The following TNFRSF21 variants were observed in gnomAD, a reference collection of about 807,000 sequenced individuals.
TNFRSF21 encodes TNF receptor superfamily member 21.
TNFRSF21 carries 19 observed loss-of-function variants against 45.6 expected under a neutral mutation model. That is an observed-to-expected ratio of 0.42 (90% CI 0.29 to 0.61). TNFRSF21 has a LOEUF of 0.61. Ranked by LOEUF, TNFRSF21 falls within the 20% of genes least tolerant of loss-of-function variation. TNFRSF21 has a pLI of 0.23. For synonymous variants in TNFRSF21, 314 were observed against 335.5 expected (o/e 0.94, Z 0.70); for missense variants, 737 against 851.5 (o/e 0.87, Z 1.67).
At position 47,232,362 on chromosome 6, in the gene TNFRSF21, G is replaced by C. The variant is rs999809395; in HGVS notation, c.*403C>G. ...TGCCATTATACTTTTAAGAAGTTAA[G>C]AGCCTCACAATCCAGTGTGTGGGAA... On this transcript the variant is annotated 3_prime_UTR_variant, in exon 6 of 6. Transcript: ENST00000296861. 2 of 164,698 alleles carry C rather than the reference G, an allele frequency of 1.2e-5. No homozygotes were observed. Among genetic ancestry groups the C allele is most frequent in the African/African-American group, 2.4e-5 (1 of 41,320 alleles). The allele number at this position is 164,698 out of a possible 1,614,324, so 10.2% of individuals were successfully genotyped here.
intron 4 of TNFRSF21, among the ~76,000 whole-genome samples, chr6:47,248,423 G>A (rs536185611): frequency 4.6e-5 from 7 of 152,178 alleles, no homozygotes; most frequent in African/African-American, 1.2e-4. Flanking sequence ...TAGCCAAGGC[G>A]CAGGGAAAGA....
chr6:47,285,955 T>C lies in TNFRSF21; in HGVS notation c.737A>G (p.Tyr246Cys), dbSNP rs1227671807. Residue 246 changes from tyrosine to cysteine, a missense_variant, in exon 2 of 6, where the codon TAT becomes TGT. By Grantham distance (194) the Tyr-to-Cys change is radical. Transcript: ENST00000296861. ...TGAGGTTAAGTTACCTTTGGGAACA[T>C]AAGTGGAGGAAGGGACTTCATGGGT... Reference protein sequence around the residue: ...METHEVPSSTYVPKGMNSTES... With the variant: ...METHEVPSSTCVPKGMNSTES... 3.1e-6 allele frequency: 5 copies of C among 1,613,914 alleles called. No individual in the cohort carries two copies. Among genetic ancestry groups the C allele is most frequent in the Non-Finnish European group, 4.2e-6 (5 of 1,179,868 alleles).
At chr6:47,268,602 A>T (rs1394428242) in intron 3 of TNFRSF21, among the ~76,000 whole-genome samples, 2 of 145,884 alleles carry the variant, frequency 1.4e-5, no homozygotes, top group African/African-American at 2.5e-5. Context: ...TGGAGCCAAG[A>T]TCTCCTAATT....
intron 4 of TNFRSF21, among the ~76,000 whole-genome samples, chr6:47,245,047 TATTG>T (rs1764803197): frequency 6.6e-6 from 1 of 152,212 alleles, no homozygotes; most frequent in Non-Finnish European, 1.5e-5. Context: ...CTTTTCACAG[TATTG>T]ATTCTGATTT....
At chr6:47,276,778 T>C (rs1299525039) in intron 3 of TNFRSF21, among the ~76,000 whole-genome samples, 4 of 152,236 alleles carry the variant, frequency 2.6e-5, no homozygotes, top group African/African-American at 9.6e-5. Context: ...AATATTGTTT[T>C]GGACAGCATA....
At chr6:47,264,021 A>AT (rs1171880104) in intron 3 of TNFRSF21, among the ~76,000 whole-genome samples, 2 of 152,248 alleles carry the variant, frequency 1.3e-5, no homozygotes, top group Non-Finnish European at 2.9e-5. Flanking sequence ...CATGAAGAAC[A>AT]TCAGCAGAAT....
chr6:47,289,943 G>A (rs996154595), intron 1 of TNFRSF21, among the ~76,000 whole-genome samples: 2 of 152,060 alleles, frequency 1.3e-5, no homozygotes, highest in Non-Finnish European at 2.9e-5. Context: ...GCAGTGAGCC[G>A]AGATTGCGCC....
intron 4 of TNFRSF21, among the ~76,000 whole-genome samples, chr6:47,235,517 G>A (rs546484839): frequency 6.6e-6 from 1 of 152,324 alleles, no homozygotes; most frequent in East Asian, 1.9e-4. Context: ...TTGGCCTTCT[G>A]AGGCTCCAGA....
At chr6:47,298,658 C>T (rs1274007585) in intron 1 of TNFRSF21, among the ~76,000 whole-genome samples, 1 of 152,170 alleles carries the variant, frequency 6.6e-6, no homozygotes, top group African/African-American at 2.4e-5. Context: ...CACAGCCACA[C>T]CCAACCTCTT....
chr6:47,267,937 A>G (rs1762359642), intron 3 of TNFRSF21, among the ~76,000 whole-genome samples: 1 of 151,802 alleles, frequency 6.6e-6, no homozygotes, highest in Admixed American at 6.6e-5. Context: ...ATCAACCCCC[A>G]CTCCTCATCA....
In TNFRSF21 at chr6:47,232,735, G is replaced by A; in HGVS notation, c.*30C>T. 6.3e-7 allele frequency: 1 copy of A among 1,597,504 alleles called. No individual in the cohort carries two copies. The highest frequency in any genetic ancestry group is 8.6e-7 in the Non-Finnish European group (1 of 1,168,886). Reference sequence around the variant, plus strand: ...AAAAACCACCCTGCCACTAAATTGAGTAATTTCCAGAATGCAGTATCCCTA... The same window carrying A: ...AAAAACCACCCTGCCACTAAATTGAATAATTTCCAGAATGCAGTATCCCTA... On this transcript the variant is annotated 3_prime_UTR_variant, in exon 6 of 6. Transcript: ENST00000296861.
intron 3 of TNFRSF21, among the ~76,000 whole-genome samples, chr6:47,268,151 C>T (rs1208902432): frequency 6.6e-6 from 1 of 152,214 alleles, no homozygotes; most frequent in African/African-American, 2.4e-5. Flanking sequence ...GTCCAGGCTC[C>T]CCACTGACTC....
intron 4 of TNFRSF21, among the ~76,000 whole-genome samples, chr6:47,251,846 T>C (rs1764905568): frequency 6.6e-6 from 1 of 152,206 alleles, no homozygotes; most frequent in Non-Finnish European, 1.5e-5. Flanking sequence ...TTGTGAATAA[T>C]ATTTCACACC....
At position 47,253,573 on chromosome 6, in the gene TNFRSF21, T is replaced by C. The variant is rs756290272; in HGVS notation, c.1244-52A>G. 4 of 1,583,508 alleles carry C rather than the reference T, an allele frequency of 2.5e-6. No individual in the cohort carries two copies. The South Asian group carries it at 3.4e-5, about 14-fold the overall frequency. ...AATGAGGGCTTGTAAGGGAAGCTTC[T>C]TACATAAGGCAGCTCTGCTTTAATG... On this transcript the variant is annotated intron_variant, in intron 3 of 5. Coordinates refer to ENST00000296861, the MANE Select transcript of TNFRSF21 (RefSeq NM_014452.5).
In TNFRSF21 at chr6:47,304,949, A is replaced by T. The variant is rs373420233; in HGVS notation, c.96+4467T>A. On this transcript the variant is annotated intron_variant, in intron 1 of 5. Coordinates refer to ENST00000296861, the MANE Select transcript of TNFRSF21 (RefSeq NM_014452.5). The stretch of plus-strand genomic sequence containing the variant: ...GGTCAGGACTCCTGCATTCCAGCAC[A>T]GGTTCTGCGCTCCCCATTCCTCTGA... 1.2e-4 allele frequency among the ~76,000 whole-genome samples: 19 copies of T among 152,322 alleles called. 1 individual carries two copies. The South Asian group carries it at 3.1e-3, about 25-fold the overall frequency.
chr6:47,283,876 CAG>C, intron 3 of TNFRSF21, 60 bp downstream of exon 3: 1 of 1,550,828 alleles, frequency 6.4e-7, no homozygotes, highest in Non-Finnish European at 8.7e-7. Context: ...CTTCAGAAAA[CAG>C]GGACTAGGGA....
chr6:47,255,742 C>T (rs1315117537), intron 3 of TNFRSF21, among the ~76,000 whole-genome samples: 3 of 152,088 alleles, frequency 2.0e-5, no homozygotes, highest in African/African-American at 4.8e-5. Flanking sequence ...GGATTACAGG[C>T]GTGAGCCACC....
intron 3 of TNFRSF21, among the ~76,000 whole-genome samples, chr6:47,266,303 A>T (rs1433225693): frequency 6.6e-6 from 1 of 152,162 alleles, no homozygotes; most frequent in East Asian, 1.9e-4. Flanking sequence ...GAAGGAAGGA[A>T]ACATTTTTTT....
intron 3 of TNFRSF21, among the ~76,000 whole-genome samples, chr6:47,262,707 G>T (rs1765090255): frequency 6.6e-6 from 1 of 152,172 alleles, no homozygotes; most frequent in Admixed American, 6.5e-5. Context: ...TGGGCAAAGG[G>T]AGCAGCAGGT....
Sources: gnomAD v4.1 joint callset for allele counts (sites outside exome capture counted in the v4.1 genomes callset) on GRCh38, gnomAD v4.1.1 for gene constraint, MANE v1.5 for transcripts, NCBI Gene and HGNC (gene_info 2026-07-23, HGNC 2026-07-21) for gene names.